The following AKT3 variants were observed in gnomAD, a reference collection of about 807,000 sequenced individuals.
AKT3 encodes AKT serine/threonine kinase 3.
In AKT3, 15 loss-of-function variants were observed where a neutral mutation model predicts 65.3. That is an observed-to-expected ratio of 0.23 (90% CI 0.15 to 0.35). AKT3 has a LOEUF of 0.35. Among genes scored for constraint, AKT3 ranks in the 10% least tolerant of loss-of-function variants. AKT3 has a pLI of 1.00. For missense variants in AKT3, 243 were observed against 576.5 expected, an observed-to-expected ratio of 0.42 and a Z score of 5.92; for synonymous variants, 206 against 183.8, an observed-to-expected ratio of 1.12 and a Z score of -0.98.
At chr1:243,636,088 A>G (rs1337019155) in intron 6 of AKT3, among the ~76,000 whole-genome samples, 1 of 152,056 alleles carries the variant, frequency 6.6e-6, no homozygotes, top group African/African-American at 2.4e-5. Context: ...GAAATTAAAT[A>G]ATGGGATACA....
intron 8 of AKT3, among the ~76,000 whole-genome samples, chr1:243,593,587 T>G (rs1431351545): frequency 1.3e-5 from 2 of 152,150 alleles, no homozygotes; most frequent in Admixed American, 1.3e-4. Flanking sequence ...CTTGGGAGGC[T>G]GAGGCAGGAG....
chr1:243,589,306 C>CAAAAAAAAAAAAAAAAA (rs758254217), intron 8 of AKT3, among the ~76,000 whole-genome samples: 62 of 40,110 alleles, frequency 1.5e-3, no homozygotes, highest in Non-Finnish European at 2.0e-3. Flanking sequence ...AACTCCATCT[C>CAAAAAAAAAAAAAAAAA]AAAAAAAAAA....
chr1:243,742,419 G>A (rs1340495331), intron 2 of AKT3, among the ~76,000 whole-genome samples: 1 of 152,176 alleles, frequency 6.6e-6, no homozygotes, highest in Non-Finnish European at 1.5e-5. Flanking sequence ...AAGGTCAGGA[G>A]TTCAAGACCA....
At position 243,499,937 on chromosome 1, in the gene AKT3, C is replaced by T. The variant is rs544501776; in HGVS notation, c.*5312G>A. On this transcript the variant is annotated 3_prime_UTR_variant, in exon 14 of 14. Transcript: ENST00000673466. ...TGGTCCTCATCAACGCGGGCGCTGTCCCCGCACGCAGTCGGGCTGGAGCTG... is the reference window on the plus strand; with the variant it reads ...TGGTCCTCATCAACGCGGGCGCTGTTCCCGCACGCAGTCGGGCTGGAGCTG... The T allele has an allele frequency of 5.6e-6, 4 of 718,562 alleles. No individual in the cohort carries two copies. Among genetic ancestry groups the T allele is most frequent in the East Asian group, 2.7e-5 (1 of 37,096 alleles). 44.5% of individuals were successfully genotyped at this position (718,562 alleles called of 1,614,324 possible). A position where few individuals can be genotyped will look rare whatever the true frequency, so the allele number is the denominator to read the frequency against.
intron 4 of AKT3, among the ~76,000 whole-genome samples, chr1:243,664,368 T>G (rs1324630197): frequency 6.6e-6 from 1 of 151,126 alleles, no homozygotes. Context: ...GGCTGATTTT[T>G]TGTGTGTGTG....
Position 243,500,519 on chromosome 1 carries a change from A to AAAT in AKT3, c.*4727_*4729dup, listed in dbSNP as rs1439131731. 1.3e-5 allele frequency: 3 copies of AAAT among 226,930 alleles called. No individual in the cohort carries two copies. Among genetic ancestry groups the AAAT allele is most frequent in the South Asian group, 1.8e-4 (1 of 5,492 alleles). The allele number at this position is 226,930 out of a possible 1,614,324, so 14.1% of individuals were successfully genotyped here. On this transcript the variant is annotated 3_prime_UTR_variant, in exon 14 of 14. Coordinates refer to ENST00000673466, the MANE Select transcript of AKT3 (RefSeq NM_005465.7). ...CTGTACACAGATAATTATTTGTCTAAAATAGTATTTCTACTATACACAATT... is the reference window on the plus strand; with the variant it reads ...CTGTACACAGATAATTATTTGTCTAAAATAATAGTATTTCTACTATACACAATT...
At chr1:243,638,533 T>G (rs988776871) in intron 5 of AKT3, among the ~76,000 whole-genome samples, 42 of 152,194 alleles carry the variant, frequency 2.8e-4, no homozygotes, top group African/African-American at 9.6e-4. Context: ...CTAATGCCCC[T>G]CCCCGACCCA....
intron 8 of AKT3, among the ~76,000 whole-genome samples, chr1:243,588,234 T>C (rs960787733): frequency 6.6e-6 from 1 of 152,082 alleles, no homozygotes. Flanking sequence ...TACTAAGCAA[T>C]GCATGTGTAG....
At chr1:243,703,375 G>C (rs1685589536) in intron 2 of AKT3, among the ~76,000 whole-genome samples, 1 of 152,110 alleles carries the variant, frequency 6.6e-6, no homozygotes, top group Non-Finnish European at 1.5e-5. Context: ...AGTACAATTA[G>C]TTCTGAGTGG....
Position 243,703,249 on chromosome 1 carries a change from ATG to A in AKT3, c.47-7535_47-7534del, listed in dbSNP as rs140044830. Among the ~76,000 whole-genome samples the A allele has an allele frequency of 5.1e-3, 780 of 152,356 alleles. 9 individuals are homozygous for A. Among genetic ancestry groups the A allele is most frequent in the African/African-American group, 0.018 (740 of 41,594 alleles). ...AAAAAATACTGTATAGTCCATAATT[ATG>A]TGATACATCTTAAATATCAGTAATC... On this transcript the variant is annotated intron_variant, in intron 2 of 13. Coordinates refer to ENST00000673466, the MANE Select transcript of AKT3 (RefSeq NM_005465.7).
intron 11 of AKT3, among the ~76,000 whole-genome samples, chr1:243,548,839 T>C (rs909226872): frequency 2.0e-5 from 3 of 152,196 alleles, no homozygotes; most frequent in African/African-American, 7.2e-5. Flanking sequence ...AGCAAAATGA[T>C]AGTTGACCCT....
intron 2 of AKT3, among the ~76,000 whole-genome samples, chr1:243,703,801 A>C (rs1685628243): frequency 1.3e-5 from 2 of 151,764 alleles, no homozygotes; most frequent in South Asian, 2.1e-4. Flanking sequence ...TATCCTGAAG[A>C]ATTTTGTTCA....
chr1:243,535,194 AT>A (rs910311256), intron 12 of AKT3, among the ~76,000 whole-genome samples: 1 of 9,194 alleles, frequency 1.1e-4, no homozygotes, highest in Non-Finnish European at 2.1e-4. Flanking sequence ...TAATTTTAAA[AT>A]ATATTTTAAA....
chr1:243,695,411 A>C (rs1685000300), intron 3 of AKT3, among the ~76,000 whole-genome samples, 180 bp downstream of exon 3: 1 of 151,970 alleles, frequency 6.6e-6, no homozygotes, highest in Non-Finnish European at 1.5e-5. Context: ...ATTGTATAAG[A>C]CCAAATGTTA....
intron 2 of AKT3, among the ~76,000 whole-genome samples, chr1:243,782,924 A>C (rs1337831553): frequency 6.6e-6 from 1 of 152,202 alleles, no homozygotes; most frequent in East Asian, 1.9e-4. Context: ...ACACCCTGGT[A>C]TTCAAGCCTG....
chr1:243,685,827 C>G (rs554491672), intron 3 of AKT3, among the ~76,000 whole-genome samples: 1 of 152,250 alleles, frequency 6.6e-6, no homozygotes, highest in East Asian at 1.9e-4. Context: ...TCTCTGTTTG[C>G]AGATGCCATG....
chr1:243,498,878 C>A (rs551640511), downstream of AKT3, among the ~76,000 whole-genome samples: 1 of 152,202 alleles, frequency 6.6e-6, no homozygotes, highest in Non-Finnish European at 1.5e-5. Context: ...CCCTGCAGTG[C>A]GTCCCAATTT....
At chr1:243,552,187 G>A (rs954107318) in intron 11 of AKT3, among the ~76,000 whole-genome samples, 8 of 148,438 alleles carry the variant, frequency 5.4e-5, no homozygotes, top group African/African-American at 2.0e-4. Context: ...CACTCGGGAG[G>A]CTGAGGCAGG....
chr1:243,688,640 A>G (rs1443777357), intron 3 of AKT3, among the ~76,000 whole-genome samples: 1 of 152,174 alleles, frequency 6.6e-6, no homozygotes, highest in Non-Finnish European at 1.5e-5. Flanking sequence ...GATGAGGACT[A>G]AACTGTATCT....
Sources: allele counts gnomAD v4.1 joint callset (sites outside exome capture counted in the v4.1 genomes callset), GRCh38; gene constraint gnomAD v4.1.1; transcripts MANE v1.5; gene names NCBI Gene and HGNC (gene_info 2026-07-23, HGNC 2026-07-21).